Variants in TBL1X observed in about 807,000 individuals in gnomAD.
TBL1X encodes the protein F-box-like/WD repeat-containing protein TBL1X.
In TBL1X, 10 loss-of-function variants were observed where a neutral mutation model predicts 50.7. The ratio of observed to expected loss-of-function variants is 0.20; its 90% CI spans 0.12 to 0.33. The LOEUF is 0.33. TBL1X is among the 10% of genes least tolerant of loss of function. The pLI is 1.00. For synonymous variants in TBL1X, 190 were observed against 214.7 expected (o/e 0.88, Z 1.01); for missense variants, 340 against 504.4 (o/e 0.67, Z 3.12).
At chrX:9,661,656 T>G (rs955006283) in intron 5 of TBL1X, among the ~76,000 whole-genome samples, 1 of 111,499 alleles carries the variant, frequency 9.0e-6, no homozygotes, top group Non-Finnish European at 1.9e-5. Flanking sequence ...CGGCCTCCTC[T>G]TTCCACAACA....
chrX:9,544,006 C>G (rs1024105428), intron 2 of TBL1X, among the ~76,000 whole-genome samples: 1 of 111,513 alleles, frequency 9.0e-6, no homozygotes, highest in South Asian at 3.8e-4. Context: ...TCTCCCTGCC[C>G]TCCCCACCCC....
At chrX:9,606,884 C>A (rs1206962583) in intron 2 of TBL1X, among the ~76,000 whole-genome samples, 1 of 112,135 alleles carries the variant, frequency 8.9e-6, no homozygotes, top group Non-Finnish European at 1.9e-5. Context: ...TCTCTATGTT[C>A]CTTCTGCCTC....
chrX:9,676,546 C>G (rs1211418041), intron 5 of TBL1X, among the ~76,000 whole-genome samples: 3 of 112,311 alleles, frequency 2.7e-5, no homozygotes, highest in African/African-American at 9.7e-5. Context: ...GATGTTATGG[C>G]AAAACCGTAT....
intron 2 of TBL1X, among the ~76,000 whole-genome samples, chrX:9,521,443 T>C (rs1359836161): frequency 9.0e-6 from 1 of 111,616 alleles, no homozygotes; most frequent in Non-Finnish European, 1.9e-5. Flanking sequence ...AGGGCTGACC[T>C]TCCTCCCATG....
chrX:9,562,836 C>A (rs2082330920), intron 2 of TBL1X, among the ~76,000 whole-genome samples: 1 of 111,668 alleles, frequency 9.0e-6, no homozygotes, highest in African/African-American at 3.3e-5. Flanking sequence ...CTATTACATG[C>A]CCACTGTATT....
chrX:9,624,223 A>G (rs1375862861), intron 2 of TBL1X, among the ~76,000 whole-genome samples: 1 of 112,574 alleles, frequency 8.9e-6, no homozygotes, highest in African/African-American at 3.2e-5. Flanking sequence ...TCATAACTGC[A>G]GTGTTTTCAA....
intron 1 of TBL1X, among the ~76,000 whole-genome samples, chrX:9,471,546 A>G (rs2081814833): frequency 8.9e-6 from 1 of 112,280 alleles, no homozygotes; most frequent in Middle Eastern, 4.2e-3. Flanking sequence ...TGCCTAGAGT[A>G]TCAGTTTTCC....
intron 3 of TBL1X, among the ~76,000 whole-genome samples, chrX:9,644,370 C>CT (rs1420785774): frequency 1.8e-5 from 2 of 111,809 alleles, no homozygotes; most frequent in African/African-American, 6.5e-5. Flanking sequence ...GCACGTGCAT[C>CT]TGTGTTGAAC....
chrX:9,618,399 G>A (rs963592597), intron 2 of TBL1X, among the ~76,000 whole-genome samples: 5 of 112,276 alleles, frequency 4.5e-5, no homozygotes, highest in African/African-American at 1.6e-4. Flanking sequence ...TTTCTGGCCG[G>A]GCGCGGTGGC....
chrX:9,520,732 C>T (rs187281275), intron 2 of TBL1X, among the ~76,000 whole-genome samples: 5 of 109,142 alleles, frequency 4.6e-5, no homozygotes, highest in African/African-American at 1.7e-4. Flanking sequence ...TAGAACAGCA[C>T]TTGACAGGGA....
At chrX:9,715,455 C>G (rs746064716) in intron 17 of TBL1X, among the ~76,000 whole-genome samples, 9 of 111,826 alleles carry the variant, frequency 8.0e-5, no homozygotes, top group Non-Finnish European at 9.4e-5. Context: ...TGCTCCCAGG[C>G]TACAAACCTG....
At chrX:9,658,626 G>GTT (rs2082878672) in intron 5 of TBL1X, among the ~76,000 whole-genome samples, 1 of 111,539 alleles carries the variant, frequency 9.0e-6, no homozygotes, top group Non-Finnish European at 1.9e-5. Context: ...AAGAAAACAT[G>GTT]TTCTCCCAGA....
At chrX:9,536,439 A>C (rs1477350031) in intron 2 of TBL1X, among the ~76,000 whole-genome samples, 1 of 109,827 alleles carries the variant, frequency 9.1e-6, no homozygotes, top group Non-Finnish European at 1.9e-5. Flanking sequence ...TTTAGTAGAG[A>C]TGAGGTTTCA....
At chrX:9,698,133 T>C (rs1162193893) in intron 12 of TBL1X, among the ~76,000 whole-genome samples, 2 of 111,321 alleles carry the variant, frequency 1.8e-5, no homozygotes, top group Non-Finnish European at 3.8e-5. Flanking sequence ...GGAGGCCTCA[T>C]TGGTCAGAAG....
chrX:9,665,489 C>CTATATATATATATATATATA (rs56756151), intron 5 of TBL1X, among the ~76,000 whole-genome samples: 21 of 19,804 alleles, frequency 1.1e-3, no homozygotes, highest in Admixed American at 2.8e-3. Context: ...GATATTCAAG[C>CTATATATATATATATATATA]TATATATATA....
At chrX:9,494,654 T>A (rs974652366) in intron 1 of TBL1X, among the ~76,000 whole-genome samples, 1 of 112,279 alleles carries the variant, frequency 8.9e-6, no homozygotes, top group Non-Finnish European at 1.9e-5. Context: ...TTCGTGAATT[T>A]GCTTAAGTAG....
rs1246444113 is a variant in TBL1X at position 9,707,536 on chromosome X, G to T, written c.1237-1712G>T. 2.7e-5 allele frequency among the ~76,000 whole-genome samples: 3 copies of T among 112,257 alleles called. No individual in the cohort carries two copies. In the East Asian group the frequency reaches 8.5e-4, roughly 32 times the overall value. On this transcript the variant is annotated intron_variant, in intron 13 of 17. Transcript: ENST00000645353. ...AGTGGGGTTGAGTGGAGACCCATGA[G>T]CCGGCTCTGGAGGCGGCCCAGGAAC...
chrX:9,523,677 G>A (rs2082117429), intron 2 of TBL1X, among the ~76,000 whole-genome samples: 2 of 112,268 alleles, frequency 1.8e-5, no homozygotes, highest in South Asian at 3.7e-4. Context: ...GGAAATAAGC[G>A]CAAACTCCTT....
At chrX:9,550,055 A>G (rs1241055554) in intron 2 of TBL1X, among the ~76,000 whole-genome samples, 1 of 111,643 alleles carries the variant, frequency 9.0e-6, no homozygotes, top group Admixed American at 9.5e-5. Flanking sequence ...TTGCACCACA[A>G]CAGCAGTCAC....
Sources: allele counts gnomAD v4.1 joint callset (sites outside exome capture counted in the v4.1 genomes callset), GRCh38; gene constraint gnomAD v4.1.1; transcripts MANE v1.5; gene names NCBI Gene and HGNC (gene_info 2026-07-23, HGNC 2026-07-21).